Variants in RNF217 observed in about 807,000 individuals in gnomAD.
The protein encoded by RNF217 is E3 ubiquitin-protein ligase RNF217.
Under a neutral mutation model 57.8 loss-of-function variants are expected in RNF217, and 31 were observed. The ratio of observed to expected loss-of-function variants is 0.54; its 90% CI spans 0.40 to 0.72. RNF217 has a LOEUF of 0.72. Ranked by LOEUF, RNF217 falls within the 30% of genes least tolerant of loss-of-function variation. The pLI is 0.00. For synonymous variants in RNF217, 313 were observed against 294.0 expected (o/e 1.06, Z -0.66); for missense variants, 696 against 708.3 (o/e 0.98, Z 0.20).
In RNF217 at chr6:125,092,579, A is replaced by G. The variant is rs974719072; in HGVS notation, c.*9642A>G. 19 of 152,230 alleles carry G rather than the reference A, an allele frequency of 1.2e-4. No individual in the cohort carries two copies. Among genetic ancestry groups the G allele is most frequent in the African/African-American group, 4.6e-4 (19 of 41,462 alleles). The allele number at this position is 152,230 out of a possible 1,614,324, so 9.4% of individuals were successfully genotyped here. ...TGCTGTTTACCACATGATGTGTGCA[A>G]TACATCATGCAATGTTATTTAGCAA... On this transcript the variant is annotated 3_prime_UTR_variant, in exon 6 of 6. Transcript: ENST00000521654.
At chr6:125,010,178 T>G (rs977446880) in intron 1 of RNF217, among the ~76,000 whole-genome samples, 2 of 152,142 alleles carry the variant, frequency 1.3e-5, no homozygotes, top group Non-Finnish European at 2.9e-5. Context: ...TTCAGTATTT[T>G]GCTCTAAAGG....
chr6:125,079,174 A>C (rs1350036531), intron 4 of RNF217, among the ~76,000 whole-genome samples: 2 of 152,126 alleles, frequency 1.3e-5, no homozygotes, highest in Non-Finnish European at 2.9e-5. Flanking sequence ...ATTATAAAGG[A>C]GAAGAGAGAT....
intron 3 of RNF217, among the ~76,000 whole-genome samples, chr6:125,074,871 T>C (rs984006282): frequency 6.6e-6 from 1 of 152,214 alleles, no homozygotes; most frequent in Non-Finnish European, 1.5e-5. Context: ...CACTTGTTAA[T>C]TGTAAAACTC....
chr6:124,995,950 A>G (rs1784734228), intron 1 of RNF217, among the ~76,000 whole-genome samples: 1 of 152,038 alleles, frequency 6.6e-6, no homozygotes, highest in Non-Finnish European at 1.5e-5. Context: ...AGAAAAGAAA[A>G]ACATTTGGAA....
At chr6:124,999,579 A>G (rs1402738522) in intron 1 of RNF217, among the ~76,000 whole-genome samples, 3 of 152,168 alleles carry the variant, frequency 2.0e-5, no homozygotes, top group African/African-American at 4.8e-5. Flanking sequence ...CTAAAGTATA[A>G]CTACAGTCAA....
At chr6:125,055,724 G>A (rs1016702878) in intron 2 of RNF217, among the ~76,000 whole-genome samples, 6 of 152,078 alleles carry the variant, frequency 3.9e-5, no homozygotes, top group African/African-American at 9.7e-5. Context: ...CTGACTTAAT[G>A]TTAGATGCAT....
chr6:124,972,973 C>T (rs1334535640), intron 1 of RNF217, among the ~76,000 whole-genome samples: 5 of 152,140 alleles, frequency 3.3e-5, no homozygotes, highest in African/African-American at 4.8e-5. Flanking sequence ...CTGTTTTTTA[C>T]TAATTTCCTA....
At chr6:125,023,382 T>C (rs1041681793) in intron 1 of RNF217, among the ~76,000 whole-genome samples, 11 of 152,122 alleles carry the variant, frequency 7.2e-5, no homozygotes, top group African/African-American at 2.7e-4. Flanking sequence ...ACAAGGGCAT[T>C]ATTGAAGTAT....
intron 1 of RNF217, among the ~76,000 whole-genome samples, chr6:124,999,310 G>A (rs754403541): frequency 3.9e-5 from 6 of 152,110 alleles, no homozygotes; most frequent in Non-Finnish European, 8.8e-5. Flanking sequence ...AAGCTGGCAG[G>A]GATTCATTTC....
At chr6:125,016,698 A>G (rs1242786340) in intron 1 of RNF217, among the ~76,000 whole-genome samples, 2 of 150,352 alleles carry the variant, frequency 1.3e-5, no homozygotes, top group African/African-American at 4.9e-5. Context: ...AAAACCAAAC[A>G]CCACCTGTTC....
chr6:124,969,574 C>A (rs1783684208), intron 1 of RNF217, among the ~76,000 whole-genome samples: 1 of 152,062 alleles, frequency 6.6e-6, no homozygotes, highest in African/African-American at 2.4e-5. Context: ...GTAAGAAAGA[C>A]CATTTATTGG....
intron 1 of RNF217, among the ~76,000 whole-genome samples, chr6:125,044,226 T>G (rs769287877): frequency 1.3e-5 from 2 of 152,024 alleles, no homozygotes; most frequent in Non-Finnish European, 2.9e-5. Flanking sequence ...GGGTTTGGTG[T>G]TGTTTGTCAT....
intron 3 of RNF217, among the ~76,000 whole-genome samples, chr6:125,066,384 C>G (rs1344724234): frequency 6.6e-6 from 1 of 152,134 alleles, no homozygotes; most frequent in African/African-American, 2.4e-5. Flanking sequence ...TCTGTGACTC[C>G]TCTAGTCATA....
chr6:125,032,986 G>A (rs1365750876), intron 1 of RNF217, among the ~76,000 whole-genome samples: 3 of 152,040 alleles, frequency 2.0e-5, no homozygotes, highest in African/African-American at 7.2e-5. Flanking sequence ...ACGTGAGTGT[G>A]GTTTTATTGT....
At chr6:125,081,223 G>C (rs1233711995) in intron 4 of RNF217, among the ~76,000 whole-genome samples, 1 of 152,076 alleles carries the variant, frequency 6.6e-6, no homozygotes, top group Non-Finnish European at 1.5e-5. Flanking sequence ...TATGTTTGAT[G>C]CATGTGCTCA....
intron 3 of RNF217, among the ~76,000 whole-genome samples, chr6:125,070,393 A>G (rs534845912): frequency 6.6e-6 from 1 of 152,330 alleles, no homozygotes; most frequent in South Asian, 2.1e-4. Context: ...GCTGGATCAA[A>G]TGATAGCTTT....
rs760145893 is a variant in RNF217 at position 124,963,304 on chromosome 6, C to A, written c.760C>A (p.Pro254Thr). 9.6e-5 allele frequency: 148 copies of A among 1,535,752 alleles called. No individual in the cohort carries two copies. The highest frequency in any genetic ancestry group is 6.3e-4 in the Admixed American group (32 of 50,938). Residue 254 changes from proline (P) to threonine (T), a missense_variant, in exon 1 of 6, where the codon CCC becomes ACC. Coordinates refer to ENST00000521654, the MANE Select transcript of RNF217 (RefSeq NM_001286398.3). The part of the protein sequence containing the change: ...PYSGLGGVGD[P>T]YVPLMVLMCR... ...CTCTGGCCTGGGCGGTGTAGGGGATCCCTATGTGCCCCTCATGGTGCTGAT... is the reference window on the plus strand; with the variant it reads ...CTCTGGCCTGGGCGGTGTAGGGGATACCTATGTGCCCCTCATGGTGCTGAT...
At chr6:125,031,885 T>TGC (rs1562477498) in intron 1 of RNF217, among the ~76,000 whole-genome samples, 3 of 151,484 alleles carry the variant, frequency 2.0e-5, no homozygotes, top group Admixed American at 1.3e-4. Context: ...TTTCACACTT[T>TGC]TGACAAAGAC....
At chr6:125,012,205 T>A (rs955981644) in intron 1 of RNF217, among the ~76,000 whole-genome samples, 4 of 152,172 alleles carry the variant, frequency 2.6e-5, no homozygotes, top group African/African-American at 9.6e-5. Context: ...TTTCCAAATA[T>A]TTAAAATATA....
Sources: allele counts gnomAD v4.1 joint callset (sites outside exome capture counted in the v4.1 genomes callset), GRCh38; gene constraint gnomAD v4.1.1; transcripts MANE v1.5; gene names NCBI Gene and HGNC (gene_info 2026-07-23, HGNC 2026-07-21).